ARHGAP26: variants seen among roughly 807,000 people sequenced by gnomAD.
The protein encoded by ARHGAP26 is rho GTPase-activating protein 26.
ARHGAP26 carries 38 observed loss-of-function variants against 104.8 expected under a neutral mutation model. That is an observed-to-expected ratio of 0.36 (90% CI 0.28 to 0.48). The LOEUF (loss-of-function observed/expected upper bound fraction) is 0.48. Ranked by LOEUF, ARHGAP26 falls within the 20% of genes least tolerant of loss-of-function variation. ARHGAP26 has a pLI of 0.99. For missense variants in ARHGAP26, 704 were observed against 947.9 expected, an observed-to-expected ratio of 0.74 and a Z score of 3.38; for synonymous variants, 341 against 340.0, an observed-to-expected ratio of 1.00 and a Z score of -0.03.
At chr5:142,781,346 C>G (rs1757456035) in intron 1 of ARHGAP26, among the ~76,000 whole-genome samples, 1 of 144,188 alleles carries the variant, frequency 6.9e-6, no homozygotes, top group Non-Finnish European at 1.5e-5. Flanking sequence ...TCAGAAATTG[C>G]AAGTTTGATA....
chr5:142,936,498 A>T (rs1765438948), intron 11 of ARHGAP26, among the ~76,000 whole-genome samples: 1 of 152,206 alleles, frequency 6.6e-6, no homozygotes, highest in African/African-American at 2.4e-5. Flanking sequence ...TCACAGCAAG[A>T]TTTCTTATAG....
chr5:143,164,874 G>T (rs1261322694), intron 20 of ARHGAP26: 1 of 152,144 alleles, frequency 6.6e-6, no homozygotes, highest in Non-Finnish European at 1.5e-5. Context: ...AAAAATGTTC[G>T]ACAGAAACCT....
intron 18 of ARHGAP26, among the ~76,000 whole-genome samples, chr5:143,123,822 C>A (rs1376900085): frequency 6.6e-6 from 1 of 152,210 alleles, no homozygotes; most frequent in Non-Finnish European, 1.5e-5. Context: ...CACCACTGCA[C>A]TCCAACCTGG....
At chr5:142,838,798 A>T (rs1216691462) in intron 1 of ARHGAP26, among the ~76,000 whole-genome samples, 4 of 152,210 alleles carry the variant, frequency 2.6e-5, no homozygotes, top group Non-Finnish European at 1.5e-5. Flanking sequence ...ATCTAGTCTG[A>T]AATTTTCATT....
chr5:142,860,591 A>G (rs1333453333), intron 1 of ARHGAP26: 1 of 152,226 alleles, frequency 6.6e-6, no homozygotes, highest in Non-Finnish European at 1.5e-5. Context: ...GTTCCCAGTC[A>G]GTTGTGTAGG....
intron 12 of ARHGAP26, among the ~76,000 whole-genome samples, chr5:143,024,561 A>G (rs534915604): frequency 6.6e-6 from 1 of 152,096 alleles, no homozygotes; most frequent in African/African-American, 2.4e-5. Flanking sequence ...AGACTAAAAT[A>G]TTTCCCCCAC....
At chr5:142,960,597 G>A (rs904393350) in intron 11 of ARHGAP26, among the ~76,000 whole-genome samples, 4 of 152,202 alleles carry the variant, frequency 2.6e-5, no homozygotes, top group Non-Finnish European at 5.9e-5. Context: ...CTGGCGTCTT[G>A]GGAGGTGTCT....
chr5:142,854,193 A>C (rs940636939), intron 1 of ARHGAP26, among the ~76,000 whole-genome samples: 2 of 152,226 alleles, frequency 1.3e-5, no homozygotes, highest in African/African-American at 4.8e-5. Context: ...TATTGGGAGA[A>C]TTCTTAATGC....
At chr5:143,134,949 C>G (rs1797750231) in intron 19 of ARHGAP26, among the ~76,000 whole-genome samples, 1 of 152,258 alleles carries the variant, frequency 6.6e-6, no homozygotes, top group Non-Finnish European at 1.5e-5. Context: ...TAATCACACA[C>G]AGATAACCAA....
rs149403595 is a variant in ARHGAP26, at chr5:143,069,950, A to G, written c.1538+12203A>G. Among the ~76,000 whole-genome samples, 225 of 152,246 alleles carry G rather than the reference A, an allele frequency of 1.5e-3. 1 individual carries two copies. Among genetic ancestry groups the G allele is most frequent in the African/African-American group, 5.0e-3 (208 of 41,552 alleles). The stretch of plus-strand genomic sequence containing the variant: ...TTTTTTTGGGAGCTAGCACTTCCCA[A>G]AGGCCTGGGCTCCCTTCACAGCATG... On this transcript the variant is annotated intron_variant, in intron 17 of 22. Transcript: ENST00000645722.
At position 143,056,105 on chromosome 5, in the gene ARHGAP26, A is replaced by C; in HGVS notation, c.1432+19A>C. ...GCAGCAAGTAAGTCTTTTTTGTCTC[A>C]GTTTTAAGGGGAAGAGAATAGATTT... On this transcript the variant is annotated intron_variant, in intron 16 of 22. Coordinates refer to ENST00000645722, the MANE Select transcript of ARHGAP26 (RefSeq NM_001135608.3). 1 of 1,601,256 alleles carries C rather than the reference A, an allele frequency of 6.2e-7. No homozygotes were observed.
chr5:143,214,138 G>A (rs374525169), intron 22 of ARHGAP26, 50 bp downstream of exon 22: 2 of 446,404 alleles, frequency 4.5e-6, no homozygotes, highest in Admixed American at 2.7e-5. Context: ...CGGGGGCAAG[G>A]GGAGCACATA....
intron 1 of ARHGAP26, among the ~76,000 whole-genome samples, chr5:142,801,901 GATCTGTGTGC>G (rs1269818029): frequency 1.3e-5 from 2 of 152,168 alleles, no homozygotes; most frequent in Non-Finnish European, 2.9e-5. Context: ...ATTGGTCTGG[GATCTGTGTGC>G]AGAGTTGCCT....
intron 10 of ARHGAP26, among the ~76,000 whole-genome samples, chr5:142,928,901 A>G (rs577057015): frequency 1.4e-4 from 21 of 152,128 alleles, no homozygotes; most frequent in African/African-American, 4.6e-4. Flanking sequence ...TTTCTCTTTC[A>G]TTGTTTTATA....
At chr5:142,777,823 A>G (rs1245044239) in intron 1 of ARHGAP26, among the ~76,000 whole-genome samples, 2 of 152,218 alleles carry the variant, frequency 1.3e-5, no homozygotes, top group Non-Finnish European at 2.9e-5. Context: ...ACAAAGAGAT[A>G]GGCCAGGGCA....
chr5:142,887,090 C>T (rs1268132681), intron 5 of ARHGAP26, among the ~76,000 whole-genome samples: 2 of 152,178 alleles, frequency 1.3e-5, no homozygotes, highest in South Asian at 2.1e-4. Flanking sequence ...CTGGGAGGCC[C>T]ACAGCACAGT....
intron 1 of ARHGAP26, among the ~76,000 whole-genome samples, chr5:142,820,764 T>G (rs1225085214): frequency 6.6e-6 from 1 of 152,206 alleles, no homozygotes; most frequent in Non-Finnish European, 1.5e-5. Context: ...AACATAAGAA[T>G]GAAACATTTT....
intron 18 of ARHGAP26, among the ~76,000 whole-genome samples, chr5:143,131,104 A>T (rs1353338148): frequency 2.6e-5 from 4 of 152,156 alleles, no homozygotes; most frequent in Non-Finnish European, 5.9e-5. Flanking sequence ...TGCTTGAATA[A>T]CTTAATTATT....
intron 12 of ARHGAP26, among the ~76,000 whole-genome samples, chr5:143,032,516 G>A (rs947723256): frequency 1.3e-5 from 2 of 152,202 alleles, no homozygotes; most frequent in African/African-American, 4.8e-5. Context: ...CCTGCTTGAG[G>A]GGATTAAGGA....
Sources: gnomAD v4.1 joint callset for allele counts (sites outside exome capture counted in the v4.1 genomes callset) on GRCh38, gnomAD v4.1.1 for gene constraint, MANE v1.5 for transcripts, NCBI Gene and HGNC (gene_info 2026-07-23, HGNC 2026-07-21) for gene names.